Variants in NALCN observed in about 807,000 individuals in gnomAD.
The protein encoded by NALCN is sodium leak channel NALCN.
A neutral mutation model predicts 225.3 loss-of-function variants in NALCN; 111 were observed. The observed-to-expected ratio is 0.49, with a 90% CI of 0.42 to 0.58. The LOEUF is 0.58. Among genes scored for constraint, NALCN ranks in the 20% least tolerant of loss-of-function variants. The pLI, the probability that NALCN is intolerant of heterozygous loss-of-function variation, is 0.00. For missense variants in NALCN, 1,378 were observed against 2,202.4 expected, an observed-to-expected ratio of 0.63 and a Z score of 7.49; for synonymous variants, 764 against 769.0, an observed-to-expected ratio of 0.99 and a Z score of 0.11.
chr13:101,104,260 T>C lies in NALCN; in HGVS notation c.2889+35A>G, dbSNP rs1231450006. The C allele has an allele frequency of 3.2e-6, 5 of 1,565,400 alleles. No homozygotes were observed. In the East Asian group the frequency reaches 9.0e-5, roughly 28 times the overall value. On this transcript the variant is annotated intron_variant, in intron 25 of 43. Transcript: ENST00000251127. This position sits in a 1 kb window ranked among gnomAD's most constrained non-coding sequence, Gnocchi z 4.2. ...AATGCAGGAGATTTTACAAAACCATTACATTTTTCATTTAGGCAATAAGCA... is the reference window on the plus strand; with the variant it reads ...AATGCAGGAGATTTTACAAAACCATCACATTTTTCATTTAGGCAATAAGCA...
chr13:101,168,095 C>T (rs972731701), intron 15 of NALCN, among the ~76,000 whole-genome samples: 2 of 152,120 alleles, frequency 1.3e-5, no homozygotes, highest in African/African-American at 4.8e-5. Context: ...ACTCTTTCAC[C>T]TTTTGATCTT....
At chr13:101,138,506 T>C (rs576073335) in intron 17 of NALCN, among the ~76,000 whole-genome samples, 5 of 152,224 alleles carry the variant, frequency 3.3e-5, no homozygotes, top group African/African-American at 1.2e-4. Flanking sequence ...TCTGATTCTA[T>C]GCTGGGAAGT....
chr13:101,254,413 A>C (rs949165524), intron 11 of NALCN, among the ~76,000 whole-genome samples: 9 of 151,690 alleles, frequency 5.9e-5, no homozygotes, highest in African/African-American at 2.2e-4. Context: ...ACAACAACAA[A>C]AAAACCCCAA....
At chr13:101,117,684 CATG>C (rs1410247516) in intron 18 of NALCN, among the ~76,000 whole-genome samples, 1 of 152,142 alleles carries the variant, frequency 6.6e-6, no homozygotes, top group Non-Finnish European at 1.5e-5. Context: ...CATGTCTTTC[CATG>C]ATGATATCTA....
At chr13:101,374,533 C>A (rs2139412442) in intron 6 of NALCN, among the ~76,000 whole-genome samples, 1 of 152,164 alleles carries the variant, frequency 6.6e-6, no homozygotes, top group East Asian at 1.9e-4. Context: ...GTTATCTACC[C>A]TCCTCAGCCT....
At chr13:101,215,069 C>G (rs2040676857) in intron 13 of NALCN, among the ~76,000 whole-genome samples, 1 of 152,112 alleles carries the variant, frequency 6.6e-6, no homozygotes, top group African/African-American at 2.4e-5. Context: ...AAATGAAGAG[C>G]TAAGTGTTTC....
chr13:101,406,112 C>T (rs1453454305), intron 1 of NALCN, among the ~76,000 whole-genome samples: 5 of 144,684 alleles, frequency 3.5e-5, no homozygotes, highest in African/African-American at 1.0e-4. Flanking sequence ...TCCAGGAGTT[C>T]GAGACCAGCC....
At chr13:101,087,026 G>A (rs1017732062) in intron 30 of NALCN, among the ~76,000 whole-genome samples, 12 of 151,982 alleles carry the variant, frequency 7.9e-5, no homozygotes, top group African/African-American at 2.7e-4. Flanking sequence ...AGAATAATAG[G>A]CATGGAGATA....
chr13:101,124,807 C>A, intron 17 of NALCN, 126 bp from the exon 18 acceptor site: 1 of 850,910 alleles, frequency 1.2e-6, no homozygotes. Flanking sequence ...CATCATCGTA[C>A]AATTGACAAT....
chr13:101,352,333 G>A (rs1356917087), intron 6 of NALCN, among the ~76,000 whole-genome samples: 1 of 152,108 alleles, frequency 6.6e-6, no homozygotes, highest in Non-Finnish European at 1.5e-5. Flanking sequence ...CCTTGCAATA[G>A]GGTGTTGCTT....
In NALCN at chr13:101,104,735, A is replaced by G. The variant is rs1024916951; in HGVS notation, c.2637-85T>C. On this transcript the variant is annotated intron_variant, in intron 23 of 43. Transcript: ENST00000251127. This position sits in a 1 kb window ranked among gnomAD's most constrained non-coding sequence, Gnocchi z 4.2. ...TAGAGATGATGGCTTCTGTGGCTCT[A>G]TCAACATGACTGGTATTTTAAAAAC... 21 of 1,584,112 alleles carry G rather than the reference A, an allele frequency of 1.3e-5. No individual in the cohort carries two copies. The highest frequency in any genetic ancestry group is 1.8e-5 in the Non-Finnish European group (21 of 1,159,564).
rs553355316 is a variant in NALCN, at chr13:101,068,051, A to G, written c.4331-18T>C. 1.1e-5 allele frequency: 16 copies of G among 1,458,870 alleles called. No individual in the cohort carries two copies. The South Asian group carries it at 1.3e-4, about 12-fold the overall frequency. The allele number at this position is 1,458,870 out of a possible 1,614,324, so 90.4% of individuals were successfully genotyped here. ...AATTATGGCTTTTAAAAAAAGAAAA[A>G]TTCAGAAGTTAGACCATTATGCTAA... On this transcript the variant is annotated intron_variant, in intron 38 of 43. Coordinates refer to ENST00000251127, the MANE Select transcript of NALCN (RefSeq NM_052867.4).
chr13:101,124,824 C>T, intron 17 of NALCN, 143 bp from the exon 18 acceptor site: 2 of 800,366 alleles, frequency 2.5e-6, no homozygotes, highest in South Asian at 3.6e-5. Flanking sequence ...CAATTCTTGT[C>T]TATTTTTACT....
chr13:101,065,442 G>T lies in NALCN; in HGVS notation c.4566C>A (p.Leu1522=). The T allele has an allele frequency of 1.2e-6, 2 of 1,614,156 alleles. No homozygotes were observed. The highest frequency in any genetic ancestry group is 1.7e-6 in the Non-Finnish European group (2 of 1,180,022). Residue 1522 remains leucine, a synonymous_variant, in exon 40 of 44, where the codon CTC becomes CTA. Transcript: ENST00000251127. ...FKHMCYEMER[L]HNGGDVTFHD... is the part of the protein sequence containing the mutation. The stretch of plus-strand genomic sequence containing the variant: ...GGAAGGTGACGTCGCCGCCATTGTG[G>T]AGCCTCTCCATTTCGTAGCACATGT...
chr13:101,120,679 C>A (rs940444564), intron 18 of NALCN, among the ~76,000 whole-genome samples: 1 of 152,074 alleles, frequency 6.6e-6, no homozygotes, highest in Non-Finnish European at 1.5e-5. Flanking sequence ...TCTTAGATCA[C>A]CCAAGTCAAG....
intron 42 of NALCN, chr13:101,058,570 C>T (rs1384869118): frequency 6.5e-6 from 1 of 154,658 alleles, no homozygotes; most frequent in African/African-American, 2.4e-5. Flanking sequence ...GATGCCAAGA[C>T]TTCCCACACA....
At position 101,104,965 on chromosome 13, in the gene NALCN, A is replaced by G. The variant is rs2035020363; in HGVS notation, c.2580-15T>C. 3 of 1,609,634 alleles carry G rather than the reference A, an allele frequency of 1.9e-6. No homozygotes were observed. Among genetic ancestry groups the G allele is most frequent in the Non-Finnish European group, 2.5e-6 (3 of 1,177,112 alleles). ...CTGTTTTAGATCTGTAAGAGAACAC[A>G]TATATAAAATTCTGCAACAAAGCAA... On this transcript the variant is annotated splice_polypyrimidine_tract_variant and intron_variant, in intron 22 of 43. Transcript: ENST00000251127. The surrounding 1 kb of genome is among the most constrained non-coding windows in gnomAD (Gnocchi z 4.2).
intron 7 of NALCN, among the ~76,000 whole-genome samples, chr13:101,317,580 A>G (rs1353641322): frequency 6.6e-6 from 1 of 152,172 alleles, no homozygotes; most frequent in Non-Finnish European, 1.5e-5. Flanking sequence ...GATCTGGTCA[A>G]TTGCATCTTC....
At chr13:101,094,795 G>GT (rs2034418710) in intron 28 of NALCN, among the ~76,000 whole-genome samples, 12 of 152,198 alleles carry the variant, frequency 7.9e-5, no homozygotes, top group Admixed American at 7.9e-4. Context: ...GTGAAATGCT[G>GT]TTCCTTTTAA....
Sources: gnomAD v4.1 joint callset for allele counts (sites outside exome capture counted in the v4.1 genomes callset) on GRCh38, gnomAD v4.1.1 for gene constraint, Gnocchi (gnomAD v3.1) non-coding constraint, MANE v1.5 for transcripts, NCBI Gene and HGNC (gene_info 2026-07-23, HGNC 2026-07-21) for gene names.